Variants in FREM1 observed in about 807,000 individuals in gnomAD.
FREM1 encodes the protein FRAS1 related extracellular matrix 1.
A neutral mutation model predicts 210.1 loss-of-function variants in FREM1; 220 were observed. The observed-to-expected ratio is 1.05, with a 90% CI of 0.94 to 1.17. The LOEUF (loss-of-function observed/expected upper bound fraction) is 1.17. Among genes scored for constraint, FREM1 ranks in the 50% most tolerant of loss-of-function variants. FREM1 has a pLI of 0.00. For missense variants in FREM1, 3,454 were observed against 2,675.5 expected (o/e 1.29, Z -6.42); for synonymous variants, 1,189 against 980.2 (o/e 1.21, Z -3.98).
intron 31 of FREM1, 71 bp from the exon 32 acceptor site, chr9:14,747,799 C>A: frequency 1.2e-6 from 1 of 830,424 alleles, no homozygotes; most frequent in Non-Finnish European, 1.9e-6. Context: ...GTAAAACCAC[C>A]AAGTAAGATC....
At chr9:14,739,179 C>T (rs1222575539) in intron 36 of FREM1, among the ~76,000 whole-genome samples, 1 of 151,672 alleles carries the variant, frequency 6.6e-6, no homozygotes, top group Non-Finnish European at 1.5e-5. Flanking sequence ...TCACGGCTCA[C>T]TGCAGCCTCA....
chr9:14,770,800 G>C lies in FREM1; in HGVS notation c.4864C>G (p.Gln1622Glu). The change falls in exon 26 of 37, where the codon CAA becomes GAA. Residue 1622 changes from glutamine to glutamate, a missense_variant. By Grantham distance (29) the Gln-to-Glu change is conservative. Transcript: ENST00000380880. The part of the protein sequence containing the change: ...EPVLFTIQVD[Q>E]LDKTAPRITL... The stretch of plus-strand genomic sequence containing the variant: ...ATACGAGGAGCTGTTTTGTCCAATT[G>C]GTCTACCTGGATCATCAACAATGAC... 5 of 1,610,152 alleles carry C rather than the reference G, an allele frequency of 3.1e-6. No individual in the cohort carries two copies. The highest frequency in any genetic ancestry group is 4.2e-6 in the Non-Finnish European group (5 of 1,177,788).
chr9:14,842,146 C>T (rs1472168466), intron 9 of FREM1, among the ~76,000 whole-genome samples, 170 bp downstream of exon 9: 2 of 152,198 alleles, frequency 1.3e-5, no homozygotes, highest in Non-Finnish European at 2.9e-5. Flanking sequence ...TCCTAAATCT[C>T]AGGCTTCCTC....
At chr9:14,884,884 T>A (rs918953468) in intron 1 of FREM1, among the ~76,000 whole-genome samples, 1 of 150,670 alleles carries the variant, frequency 6.6e-6, no homozygotes, top group African/African-American at 2.4e-5. Flanking sequence ...ATGCCCAGCA[T>A]AGTTATCAAG....
intron 27 of FREM1, among the ~76,000 whole-genome samples, chr9:14,765,798 G>C (rs1031055887): frequency 3.3e-5 from 5 of 152,190 alleles, no homozygotes; most frequent in Admixed American, 1.3e-4. Flanking sequence ...CGGAGAAACA[G>C]TCACTGAATT....
chr9:14,745,496 T>C (rs1158929337), intron 35 of FREM1, among the ~76,000 whole-genome samples: 1 of 152,210 alleles, frequency 6.6e-6, no homozygotes, highest in Non-Finnish European at 1.5e-5. Context: ...TTGTTGAAGT[T>C]GTTTGTATTT....
In FREM1 at chr9:14,869,120, G is replaced by A. The variant is rs1034844178; in HGVS notation, c.-143C>T. 2 of 566,954 alleles carry A rather than the reference G, an allele frequency of 3.5e-6. No individual in the cohort carries two copies. Among genetic ancestry groups the A allele is most frequent in the Admixed American group, 3.0e-5 (1 of 33,246 alleles). 35.1% of individuals were successfully genotyped at this position (566,954 alleles called of 1,614,324 possible). ...ACAATGTGCCCCGAGATCTTAACAT[G>A]CCCCTTTCATTTCAAAGTCAGACAA... On this transcript the variant is annotated 5_prime_UTR_variant, in exon 2 of 37. Coordinates refer to ENST00000380880, the MANE Select transcript of FREM1 (RefSeq NM_001379081.2).
chr9:14,801,752 A>G lies in FREM1; in HGVS notation c.3594T>C (p.Asp1198=), dbSNP rs374510376. The part of the protein sequence containing the change: ...TQKPRHGLLI[D]RGFSKDFSEN... The stretch of plus-strand genomic sequence containing the variant: ...CAGAGAAGTCTTTGCTAAACCCCCT[A>G]TCGATGAGGAGGCCATGGCGTGGCT... Residue 1198 remains aspartate, a synonymous_variant, in exon 20 of 37, where the codon GAT becomes GAC. Transcript: ENST00000380880. The G allele has an allele frequency of 5.6e-5, 91 of 1,613,766 alleles. No individual in the cohort carries two copies. Among genetic ancestry groups the G allele is most frequent in the Non-Finnish European group, 7.0e-5 (82 of 1,179,832 alleles).
In FREM1 at chr9:14,759,074, C is replaced by T. The variant is rs1230075311; in HGVS notation, c.5334+698G>A. 1.3e-5 allele frequency among the ~76,000 whole-genome samples: 2 copies of T among 152,174 alleles called. 1 individual carries two copies. Among genetic ancestry groups the T allele is most frequent in the African/African-American group, 4.8e-5 (2 of 41,450 alleles). ...TTGCTCTGGGTACCCCACAGAATGT[C>T]TTGCATACAACATCTCTTTCTAAAG... On this transcript the variant is annotated intron_variant, in intron 28 of 36. Coordinates refer to ENST00000380880, the MANE Select transcript of FREM1 (RefSeq NM_001379081.2).
At chr9:14,823,871 C>G (rs2130812597) in intron 12 of FREM1, among the ~76,000 whole-genome samples, 154 bp downstream of exon 12, 1 of 152,274 alleles carries the variant, frequency 6.6e-6, no homozygotes, top group Middle Eastern at 3.4e-3. Context: ...ATAGATGCCA[C>G]ACACTTAATG....
intron 19 of FREM1, among the ~76,000 whole-genome samples, chr9:14,804,367 C>T (rs1035818638): frequency 6.6e-6 from 1 of 152,072 alleles, no homozygotes; most frequent in African/African-American, 2.4e-5. Context: ...GGGCGGATCA[C>T]GAGGTCAGGA....
intron 1 of FREM1, among the ~76,000 whole-genome samples, chr9:14,871,923 C>T (rs1248513684): frequency 6.6e-6 from 1 of 152,136 alleles, no homozygotes; most frequent in Non-Finnish European, 1.5e-5. Context: ...AATAGGGAAT[C>T]CTTTCCCCAT....
Position 14,801,804 on chromosome 9 carries a change from T to A in FREM1, c.3542A>T (p.Asp1181Val), listed in dbSNP as rs200883446. 85 of 1,613,894 alleles carry A rather than the reference T, an allele frequency of 5.3e-5. No homozygotes were observed. In the Middle Eastern group the frequency reaches 9.9e-4, roughly 19 times the overall value. Residue 1181 changes from aspartate to valine, a missense_variant, in exon 20 of 37, where the codon GAT becomes GTT. Physicochemically the swap from Asp to Val is radical, Grantham distance 152. Transcript: ENST00000380880. ...TTGAGTGATGCTGAACAGCAGGGCA[T>A]CCTGGGGAATGTCCAGGTCCACAGC... ...ISAVDLDIPQ[D>V]ALLFSITQKP...
Position 14,868,957 on chromosome 9 carries a change from C to T in FREM1, c.21G>A (p.Gly7=), listed in dbSNP as rs1832080293. Residue 7 remains glycine (G), a synonymous_variant, in exon 2 of 37, where the codon GGG becomes GGA. Transcript: ENST00000380880. MNSLSW[G]AANAVLLLLL... is the part of the protein sequence containing the mutation. ...GCAGCAGCAGCACGGCATTCGCAGC[C>T]CCCCAACTCAGAGAGTTCATGCTGA... The T allele has an allele frequency of 6.3e-7, 1 of 1,586,868 alleles. No homozygotes were observed.
At position 14,748,466 on chromosome 9, in the gene FREM1, G is replaced by T; in HGVS notation, c.5731C>A (p.Leu1911Met). 1 of 1,613,834 alleles carries T rather than the reference G, an allele frequency of 6.2e-7. No homozygotes were observed. The highest frequency in any genetic ancestry group is 8.5e-7 in the Non-Finnish European group (1 of 1,179,788). ...MQLAVIRGDT[L>M]RGFDSTDLSQ... Reference sequence around the variant, plus strand: ...AGATCTGTAGAATCAAAGCCCCGCAGGGTGTCTCCCCTGATGACTGCTAGC... The same window carrying T: ...AGATCTGTAGAATCAAAGCCCCGCATGGTGTCTCCCCTGATGACTGCTAGC... Residue 1911 changes from leucine to methionine, a missense_variant, in exon 31 of 37, where the codon CTG (leucine) becomes ATG (methionine). Physicochemically the swap from Leu to Met is conservative, Grantham distance 15. Transcript: ENST00000380880.
chr9:14,828,945 A>T (rs962137796), intron 10 of FREM1, among the ~76,000 whole-genome samples: 1 of 152,204 alleles, frequency 6.6e-6, no homozygotes, highest in Non-Finnish European at 1.5e-5. Flanking sequence ...ACCTTAAACA[A>T]GTTACTTAAC....
chr9:14,883,422 G>C (rs1835178214), intron 1 of FREM1, among the ~76,000 whole-genome samples: 1 of 152,096 alleles, frequency 6.6e-6, no homozygotes. Context: ...TTTTGCTCTT[G>C]TATTTTTCTC....
intron 28 of FREM1, among the ~76,000 whole-genome samples, chr9:14,758,996 C>T (rs1045360897): frequency 1.2e-4 from 18 of 152,000 alleles, no homozygotes; most frequent in African/African-American, 4.3e-4. Flanking sequence ...TCAACTGAGC[C>T]CATGGGAAGT....
At chr9:14,810,754 A>G (rs1035905546) in intron 16 of FREM1, among the ~76,000 whole-genome samples, 1 of 152,236 alleles carries the variant, frequency 6.6e-6, no homozygotes, top group Non-Finnish European at 1.5e-5. Context: ...GCAAAGCTGC[A>G]TATGTTACAA....
Sources: gnomAD v4.1 joint callset for allele counts (sites outside exome capture counted in the v4.1 genomes callset) on GRCh38, gnomAD v4.1.1 for gene constraint, MANE v1.5 for transcripts, NCBI Gene and HGNC (gene_info 2026-07-23, HGNC 2026-07-21) for gene names.